Variants in CDH5 observed in about 807,000 individuals in gnomAD.
CDH5 encodes the protein cadherin-5.
Under a neutral mutation model 62.0 loss-of-function variants are expected in CDH5, and 28 were observed. The ratio of observed to expected loss-of-function variants is 0.45; its 90% confidence interval spans 0.33 to 0.62. The LOEUF (loss-of-function observed/expected upper bound fraction) is 0.62. Ranked by LOEUF, CDH5 falls within the 20% of genes least tolerant of loss-of-function variation. CDH5 has a pLI of 0.02. For missense variants in CDH5, 940 were observed against 1,065.1 expected (o/e 0.88, Z 1.63); for synonymous variants, 464 against 445.8 (o/e 1.04, Z -0.52).
At chr16:66,391,328 C>T (rs1171536042) in intron 6 of CDH5, among the ~76,000 whole-genome samples, 1 of 152,142 alleles carries the variant, frequency 6.6e-6, no homozygotes, top group East Asian at 1.9e-4. Flanking sequence ...GTAAGTGATA[C>T]ACAGCAGCTC....
chr16:66,392,027 A>G, intron 6 of CDH5, 109 bp from the exon 7 acceptor site: 2 of 1,368,200 alleles, frequency 1.5e-6, no homozygotes, highest in Non-Finnish European at 2.0e-6. Context: ...CCCCTCATCT[A>G]TAAAATGGGT....
chr16:66,388,481 G>A (rs1473214606), intron 4 of CDH5, 41 bp downstream of exon 4: 2 of 1,322,394 alleles, frequency 1.5e-6, no homozygotes, highest in Non-Finnish European at 2.2e-6. Flanking sequence ...CTGATTTGGA[G>A]GGACAAGGGG....
rs1324178758 is a variant in CDH5, at chr16:66,400,799, T to G, written c.1620T>G (p.Tyr540Ter). Reference sequence around the variant, plus strand: ...ACACGGCCAACATCACAGTCAAGTATGGGCAGTTTGACCGGGAGCATACCA... The same window carrying G: ...ACACGGCCAACATCACAGTCAAGTAGGGGCAGTTTGACCGGGAGCATACCA... ...HDNTANITVK[Y>*]GQFDREHTKV... The change falls in exon 11 of 12, where the codon TAT becomes TAG. Residue 540 changes from tyrosine (Y) to a stop codon, truncating the protein, a stop_gained. Transcript: ENST00000341529. LOFTEE classifies it high-confidence loss of function. 2 of 1,614,086 alleles carry G rather than the reference T, an allele frequency of 1.2e-6. No homozygotes were observed. The highest frequency in any genetic ancestry group is 1.7e-6 in the Non-Finnish European group (2 of 1,180,030).
chr16:66,396,051 C>G lies in CDH5; in HGVS notation c.1218-8C>G, dbSNP rs754377127. ...ATGGAAAGCCATGAAACTCTCTCCC[C>G]TGGGCAGATACTCCATCCGCAGGAC... On this transcript the variant is annotated splice_polypyrimidine_tract_variant and splice_region_variant and intron_variant, in intron 7 of 11. Transcript: ENST00000341529. 2 of 1,613,074 alleles carry G rather than the reference C, an allele frequency of 1.2e-6. No homozygotes were observed. The highest frequency in any genetic ancestry group is 3.3e-5 in the Admixed American group (2 of 59,930).
rs777969255 is a variant in CDH5 at position 66,402,921 on chromosome 16, G to A, written c.2107G>A (p.Gly703Arg). ...RHAPGAHGGP[G>R]EMAAMIEVKK... ...CGCGCCTGGGGCACACGGAGGGCCC[G>A]GGGAGATGGCAGCCATGATCGAGGT... is the stretch of plus-strand genomic sequence containing the variant. Residue 703 changes from glycine to arginine, a missense_variant, in exon 12 of 12, where the codon GGG becomes AGG. Physicochemically the swap from Gly to Arg is moderately radical, Grantham distance 125. Transcript: ENST00000341529. 48 of 1,611,726 alleles carry A rather than the reference G, an allele frequency of 3.0e-5. No individual in the cohort carries two copies. In the East Asian group the frequency reaches 7.6e-4, roughly 25 times the overall value.
intron 2 of CDH5, 82 bp downstream of exon 2, chr16:66,379,629 C>T (rs533654775): frequency 1.1e-5 from 13 of 1,199,834 alleles, no homozygotes; most frequent in Middle Eastern, 1.9e-4. Context: ...GCGATGGTGG[C>T]AAAGGTGGTA....
intron 1 of CDH5, among the ~76,000 whole-genome samples, chr16:66,367,849 T>A (rs1029936984): frequency 6.6e-6 from 1 of 152,022 alleles, no homozygotes; most frequent in Non-Finnish European, 1.5e-5. Flanking sequence ...GTCAATTGAG[T>A]GAAGTGAGCT....
intron 10 of CDH5, 100 bp from the exon 11 acceptor site, chr16:66,400,671 G>C: frequency 7.0e-7 from 1 of 1,424,122 alleles, no homozygotes; most frequent in Non-Finnish European, 9.9e-7. Context: ...AGCCCAGGGA[G>C]CACGCAGGCT....
At chr16:66,387,777 A>C (rs1961012133) in intron 3 of CDH5, among the ~76,000 whole-genome samples, 1 of 152,126 alleles carries the variant, frequency 6.6e-6, no homozygotes, top group Non-Finnish European at 1.5e-5. Context: ...GGTGTGGGGG[A>C]CAGAGCACTA....
intron 7 of CDH5, 146 bp downstream of exon 7, chr16:66,392,529 C>G (rs1451840495): frequency 7.1e-6 from 8 of 1,125,368 alleles, no homozygotes; most frequent in Non-Finnish European, 1.0e-5. Context: ...ACCAGAAGCC[C>G]AAGCTCTTGC....
chr16:66,393,659 T>A (rs930076593), intron 7 of CDH5, among the ~76,000 whole-genome samples: 2 of 152,218 alleles, frequency 1.3e-5, no homozygotes, highest in African/African-American at 4.8e-5. Flanking sequence ...GGGACACAGA[T>A]CCAAACCATA....
intron 6 of CDH5, among the ~76,000 whole-genome samples, chr16:66,390,802 A>T (rs1343353307): frequency 1.3e-5 from 2 of 152,162 alleles, no homozygotes; most frequent in Non-Finnish European, 2.9e-5. Context: ...TAAATTGTTT[A>T]TCTGGGAGGT....
chr16:66,402,540 A>G, intron 11 of CDH5, 112 bp from the exon 12 acceptor site: 5 of 828,114 alleles, frequency 6.0e-6, no homozygotes, highest in South Asian at 1.9e-5. Flanking sequence ...AGGGATGGGC[A>G]TGCTGGGAGG....
chr16:66,385,674 C>T (rs752989172), intron 2 of CDH5, among the ~76,000 whole-genome samples: 12 of 152,266 alleles, frequency 7.9e-5, no homozygotes, highest in Non-Finnish European at 7.4e-5. Context: ...GGAGAAGATC[C>T]TCATGAGCAC....
chr16:66,378,798 G>A lies in CDH5; in HGVS notation c.-19-521G>A, dbSNP rs541992337. ...CGTCTATTTTCACCCTCCCCAGTTCGGAGTTCATCAAGGCATGAAGGGGGT... is the reference window on the plus strand; with the variant it reads ...CGTCTATTTTCACCCTCCCCAGTTCAGAGTTCATCAAGGCATGAAGGGGGT... On this transcript the variant is annotated intron_variant, in intron 1 of 11. Transcript: ENST00000341529. Among the ~76,000 whole-genome samples, 14 of 152,276 alleles carry A rather than the reference G, an allele frequency of 9.2e-5. No individual in the cohort carries two copies. The South Asian group carries it at 2.5e-3, about 27-fold the overall frequency.
At position 66,386,940 on chromosome 16, in the gene CDH5, A is replaced by G; in HGVS notation, c.342A>G (p.Ser114=). Residue 114 remains serine, a synonymous_variant, in exon 3 of 12, where the codon TCA becomes TCG. Transcript: ENST00000341529. ...AGAGGCTGGACCGGGAGAATATCTC[A>G]GAGTACCACCTCACTGCTGTCATTG... ...AIERLDRENI[S]EYHLTAVIVD... is the part of the protein sequence containing the mutation. The G allele has an allele frequency of 6.2e-7, 1 of 1,614,246 alleles. No individual in the cohort carries two copies. The highest frequency in any genetic ancestry group is 8.5e-7 in the Non-Finnish European group (1 of 1,180,050).
At chr16:66,379,272 T>C in intron 1 of CDH5, 47 bp from the exon 2 acceptor site, 3 of 1,412,492 alleles carry the variant, frequency 2.1e-6, no homozygotes, top group Non-Finnish European at 2.9e-6. Context: ...TAAGTACTCC[T>C]TTCATCGTCA....
rs995545976 is a variant in CDH5 at position 66,395,966 on chromosome 16, G to C, written c.1218-93G>C. On this transcript the variant is annotated intron_variant, in intron 7 of 11. Transcript: ENST00000341529. ...GAGAGGGGCATGGAGTGGGATGCAG[G>C]GGACAGATGCAGAAGGGCCTTGTCC... The C allele has an allele frequency of 6.1e-6, 8 of 1,310,860 alleles. No homozygotes were observed. In the African/African-American group the frequency reaches 1.0e-4, roughly 17 times the overall value. 81.2% of individuals were successfully genotyped at this position (1,310,860 alleles called of 1,614,324 possible).
At chr16:66,388,491 G>A (rs763196573) in intron 4 of CDH5, 51 bp downstream of exon 4, 2 of 1,231,266 alleles carry the variant, frequency 1.6e-6, no homozygotes, top group South Asian at 2.4e-5. Context: ...GGGACAAGGG[G>A]AGGTGGATAC....
Sources: gnomAD v4.1 joint callset for allele counts (sites outside exome capture counted in the v4.1 genomes callset) on GRCh38, gnomAD v4.1.1 for gene constraint, MANE v1.5 for transcripts, NCBI Gene and HGNC (gene_info 2026-07-23, HGNC 2026-07-21) for gene names.